The following SESTD1 variants were observed in gnomAD, a reference collection of about 807,000 sequenced individuals.
SESTD1 encodes SEC14 and spectrin domain containing 1, also known as SEC14 domain and spectrin repeat-containing protein 1.
SESTD1 carries 43 observed loss-of-function variants against 101.7 expected under a neutral mutation model. The observed-to-expected ratio is 0.42, with a 90% CI of 0.33 to 0.55. SESTD1 has a LOEUF of 0.55. SESTD1 is among the 20% of genes least tolerant of loss of function. The pLI is 0.07. For synonymous variants in SESTD1, 283 were observed against 286.8 expected (o/e 0.99, Z 0.13); for missense variants, 647 against 815.1 (o/e 0.79, Z 2.51).
chr2:179,167,285 C>A (rs1559124588), intron 5 of SESTD1, among the ~76,000 whole-genome samples: 1 of 152,004 alleles, frequency 6.6e-6, no homozygotes, highest in Non-Finnish European at 1.5e-5. Flanking sequence ...ACCAAGGAAA[C>A]AAAGAGTGAA....
intron 1 of SESTD1, 78 bp from the exon 2 acceptor site, chr2:179,191,944 CAG>C (rs1204324729): frequency 9.9e-7 from 1 of 1,012,970 alleles, no homozygotes; most frequent in Middle Eastern, 2.1e-4. Flanking sequence ...TGGTTTATCC[CAG>C]AGTTTCTAAA....
At chr2:179,192,808 C>G (rs1239377028) in intron 1 of SESTD1, among the ~76,000 whole-genome samples, 1 of 152,128 alleles carries the variant, frequency 6.6e-6, no homozygotes, top group Non-Finnish European at 1.5e-5. Flanking sequence ...TTCTATTATC[C>G]TCTTATACTC....
At chr2:179,135,194 C>T (rs375077595) in intron 9 of SESTD1, among the ~76,000 whole-genome samples, 17 of 152,234 alleles carry the variant, frequency 1.1e-4, no homozygotes, top group African/African-American at 3.1e-4. Flanking sequence ...GCACCTGCCT[C>T]GGCCTCCCAA....
chr2:179,116,699 T>C lies in SESTD1; in HGVS notation c.1616A>G (p.Glu539Gly). Residue 539 changes from glutamate (E) to glycine (G), a missense_variant, in exon 15 of 18, where the codon GAA becomes GGA. Glu to Gly is a moderately conservative substitution (Grantham distance 98, BLOSUM62 -2). Coordinates refer to ENST00000428443, the MANE Select transcript of SESTD1 (RefSeq NM_178123.5). ...AACATCAACAAATTTTCTATGCTTT[T>C]CCAGCAAAACTTTCGTTTCTTGAGC... ...DDAQETKVLL[E>G]KHRKFVDVAQ... 1.2e-6 allele frequency: 2 copies of C among 1,614,148 alleles called. No individual in the cohort carries two copies. Among genetic ancestry groups the C allele is most frequent in the East Asian group, 4.5e-5 (2 of 44,870 alleles).
chr2:179,221,642 G>C (rs1048267354), intron 1 of SESTD1, among the ~76,000 whole-genome samples: 1 of 149,700 alleles, frequency 6.7e-6, no homozygotes, highest in African/African-American at 2.5e-5. Flanking sequence ...AATGCCCCAG[G>C]CATGGTGGCT....
rs564733831 is a variant in SESTD1, at chr2:179,116,200, G to C, written c.1647+468C>G. Among the ~76,000 whole-genome samples, 312 of 152,074 alleles carry C rather than the reference G, an allele frequency of 2.1e-3. 1 individual carries two copies. The highest frequency in any genetic ancestry group is 0.016 in the South Asian group (79 of 4,812). On this transcript the variant is annotated intron_variant, in intron 15 of 17. Transcript: ENST00000428443. The stretch of plus-strand genomic sequence containing the variant: ...GAGGCATGAGAATCGCCTGAACCTG[G>C]GAGGCAGAGGTTGCAGTGAGCTGAG...
At chr2:179,226,450 T>C (rs930803803) in intron 1 of SESTD1, among the ~76,000 whole-genome samples, 1 of 152,216 alleles carries the variant, frequency 6.6e-6, no homozygotes, top group Admixed American at 6.5e-5. Context: ...CCGCAGTCGT[T>C]TTCCCAGCAG....
At position 179,109,698 on chromosome 2, in the gene SESTD1, TG is replaced by T; in HGVS notation, c.*200del. On this transcript the variant is annotated 3_prime_UTR_variant, in exon 18 of 18. Transcript: ENST00000428443. ...TTATAGTTCCTTCTTTTAAGATACT[TG>T]GAATCTACAGCCTCGAAGCATGTTA... 1 of 588,650 alleles carries T rather than the reference TG, an allele frequency of 1.7e-6. No homozygotes were observed. Among genetic ancestry groups the T allele is most frequent in the Non-Finnish European group, 2.8e-6 (1 of 353,158 alleles). The allele number at this position is 588,650 out of a possible 1,614,324, so 36.5% of individuals were successfully genotyped here.
chr2:179,116,143 C>A (rs1307829088), intron 15 of SESTD1, among the ~76,000 whole-genome samples: 2 of 151,942 alleles, frequency 1.3e-5, no homozygotes, highest in Admixed American at 1.3e-4. Context: ...GCGTGGTGGC[C>A]GGTGCCTGTA....
At chr2:179,135,546 G>C (rs766700317) in intron 9 of SESTD1, among the ~76,000 whole-genome samples, 1 of 152,068 alleles carries the variant, frequency 6.6e-6, no homozygotes, top group Non-Finnish European at 1.5e-5. Flanking sequence ...TTGAGCTCAG[G>C]AGTTCAAGAC....
chr2:179,124,653 T>C (rs771235562), intron 10 of SESTD1, 95 bp from the exon 11 acceptor site: 11 of 1,096,116 alleles, frequency 1.0e-5, no homozygotes, highest in Non-Finnish European at 1.4e-5. Context: ...AAGTAATACA[T>C]GATTTTTTTT....
At chr2:179,165,091 TG>T (rs1301148250) in intron 5 of SESTD1, among the ~76,000 whole-genome samples, 1 of 152,218 alleles carries the variant, frequency 6.6e-6, no homozygotes, top group Non-Finnish European at 1.5e-5. Context: ...AGTGTTGAAC[TG>T]CCCCCTTAAA....
chr2:179,146,129 T>C (rs185416577), intron 8 of SESTD1, among the ~76,000 whole-genome samples: 6 of 151,008 alleles, frequency 4.0e-5, no homozygotes, highest in East Asian at 2.0e-4. Context: ...ACAAACTCTA[T>C]TGTGAACTAT....
At position 179,112,717 on chromosome 2, in the gene SESTD1, C is replaced by T. The variant is rs182480080; in HGVS notation, c.1961+7G>A. ...AAAAAATAAAATTATAAGAACATGCCCCATACCCATCAGGATAAACTACTG... is the reference window on the plus strand; with the variant it reads ...AAAAAATAAAATTATAAGAACATGCTCCATACCCATCAGGATAAACTACTG... On this transcript the variant is annotated splice_region_variant and intron_variant, in intron 17 of 17. Coordinates refer to ENST00000428443, the MANE Select transcript of SESTD1 (RefSeq NM_178123.5). 3.0e-4 allele frequency: 476 copies of T among 1,606,674 alleles called. 2 individuals are homozygous for T. In the Middle Eastern group the frequency reaches 4.1e-3, roughly 14 times the overall value.
At chr2:179,254,542 C>T (rs778611723) in intron 1 of SESTD1, among the ~76,000 whole-genome samples, 7 of 152,222 alleles carry the variant, frequency 4.6e-5, no homozygotes, top group Admixed American at 2.0e-4. Context: ...CAGGCACTAA[C>T]GCCATCACTA....
chr2:179,211,626 C>T lies in SESTD1; in HGVS notation c.-25-19760G>A, dbSNP rs1407832321. Among the ~76,000 whole-genome samples, 3 of 134,184 alleles carry T rather than the reference C, an allele frequency of 2.2e-5. 1 individual carries two copies. The highest frequency in any genetic ancestry group is 1.4e-4 in the Admixed American group (2 of 13,832). The allele number at this position is 134,184 out of a possible 152,430, so 88.0% of individuals were successfully genotyped here. A position where few individuals can be genotyped will look rare whatever the true frequency, so the allele number is the denominator to read the frequency against. ...GATAATTGGCAAGAAACGTCACACA[C>T]ACATGCACACACACACACACAAACA... is the stretch of plus-strand genomic sequence containing the variant. On this transcript the variant is annotated intron_variant, in intron 1 of 17. Transcript: ENST00000428443.
At chr2:179,174,372 A>G (rs2045974452) in intron 4 of SESTD1, 1 of 439,408 alleles carries the variant, frequency 2.3e-6, no homozygotes, top group Non-Finnish European at 4.6e-6. Context: ...AAGAAATCGC[A>G]AGAGGGGATT....
At chr2:179,147,265 G>C (rs991825370) in intron 7 of SESTD1, among the ~76,000 whole-genome samples, 1 of 151,902 alleles carries the variant, frequency 6.6e-6, no homozygotes, top group African/African-American at 2.4e-5. Context: ...CCTTGAGGAG[G>C]AACTGGCAAA....
chr2:179,238,139 T>C (rs1242312342), intron 1 of SESTD1, among the ~76,000 whole-genome samples: 4 of 152,226 alleles, frequency 2.6e-5, no homozygotes, highest in African/African-American at 9.6e-5. Flanking sequence ...ATATTTACTA[T>C]TCATTAACTG....
Sources: gnomAD v4.1 joint callset for allele counts (sites outside exome capture counted in the v4.1 genomes callset) on GRCh38, gnomAD v4.1.1 for gene constraint, MANE v1.5 for transcripts, NCBI Gene and HGNC (gene_info 2026-07-23, HGNC 2026-07-21) for gene names.